ZFHX4: variants seen among roughly 807,000 people sequenced by gnomAD.
ZFHX4 encodes zinc finger homeobox protein 4.
In ZFHX4, 56 loss-of-function variants were observed where a neutral mutation model predicts 267.6. The ratio of observed to expected loss-of-function variants is 0.21; its 90% CI spans 0.17 to 0.26. ZFHX4 has a LOEUF of 0.26. Ranked by LOEUF, ZFHX4 falls within the 10% of genes least tolerant of loss-of-function variation. The probability of loss-of-function intolerance (pLI) is 1.00; values close to 1 mark genes in which losing one functional copy is unlikely to be tolerated. For missense variants in ZFHX4, 4,332 were observed against 4,420.0 expected (o/e 0.98, Z 0.56); for synonymous variants, 1,778 against 1,665.6 (o/e 1.07, Z -1.64).
chr8:76,834,992 T>A (rs574522873), intron 5 of ZFHX4, among the ~76,000 whole-genome samples: 1 of 151,428 alleles, frequency 6.6e-6, no homozygotes, highest in East Asian at 1.9e-4. Flanking sequence ...TCTTAAAGAA[T>A]AAGTTAAAAC....
chr8:76,728,312 G>A (rs553698643), intron 3 of ZFHX4, among the ~76,000 whole-genome samples: 3 of 152,108 alleles, frequency 2.0e-5, no homozygotes, highest in Non-Finnish European at 4.4e-5. Flanking sequence ...TATAAAGTAG[G>A]CCCTCGATAT....
chr8:76,692,001 T>A (rs1807838043), intron 1 of ZFHX4, among the ~76,000 whole-genome samples: 1 of 152,116 alleles, frequency 6.6e-6, no homozygotes, highest in Non-Finnish European at 1.5e-5. Flanking sequence ...ATCCTTCTTT[T>A]GATATTTTCT....
At chr8:76,732,078 G>A (rs1408272159) in intron 3 of ZFHX4, among the ~76,000 whole-genome samples, 2 of 151,970 alleles carry the variant, frequency 1.3e-5, no homozygotes, top group East Asian at 3.9e-4. Flanking sequence ...CTGACCTCAA[G>A]TGATCTGCCT....
chr8:76,768,354 A>G (rs1810144213), intron 3 of ZFHX4, among the ~76,000 whole-genome samples: 1 of 152,186 alleles, frequency 6.6e-6, no homozygotes, highest in Admixed American at 6.6e-5. Context: ...GAATGCCATT[A>G]ATGGTAATAA....
intron 3 of ZFHX4, among the ~76,000 whole-genome samples, chr8:76,752,431 C>G (rs1199133947): frequency 1.5e-5 from 2 of 131,354 alleles, no homozygotes; most frequent in Non-Finnish European, 3.1e-5. Context: ...CATTTGAGGT[C>G]AGGAGTTCAA....
At chr8:76,770,854 A>C (rs144533205) in intron 3 of ZFHX4, among the ~76,000 whole-genome samples, 246 of 152,280 alleles carry the variant, frequency 1.6e-3, no homozygotes, top group African/African-American at 5.6e-3. Context: ...CACTTGGAAG[A>C]TCTAAAATCA....
At chr8:76,828,246 T>C (rs1434063567) in intron 4 of ZFHX4, among the ~76,000 whole-genome samples, 2 of 152,252 alleles carry the variant, frequency 1.3e-5, no homozygotes, top group Non-Finnish European at 2.9e-5. Flanking sequence ...ATGATGAATT[T>C]GCTTTGAAGC....
chr8:76,846,503 T>C (rs1356651440), intron 6 of ZFHX4, among the ~76,000 whole-genome samples: 1 of 152,124 alleles, frequency 6.6e-6, no homozygotes, highest in East Asian at 1.9e-4. Flanking sequence ...CAACAGTTGT[T>C]GCAACGGCCA....
At chr8:76,721,108 T>C (rs1433965) in intron 3 of ZFHX4, among the ~76,000 whole-genome samples, 46,119 of 151,854 alleles carry the variant, frequency 0.3, 10,139 homozygotes, top group African/African-American at 0.62. Flanking sequence ...TCTCCTGAGG[T>C]AGGAAGAAAA....
chr8:76,697,758 A>G (rs1807996202), intron 1 of ZFHX4, among the ~76,000 whole-genome samples: 1 of 152,076 alleles, frequency 6.6e-6, no homozygotes, highest in Non-Finnish European at 1.5e-5. Context: ...GTATATTTAT[A>G]TGCATTTTAT....
intron 1 of ZFHX4, among the ~76,000 whole-genome samples, chr8:76,698,825 C>T (rs1027118284): frequency 3.3e-5 from 5 of 152,090 alleles, no homozygotes; most frequent in African/African-American, 1.2e-4. Context: ...ACTTAATTAC[C>T]TTCTCCCCTT....
At chr8:76,738,192 C>T (rs1487946528) in intron 3 of ZFHX4, among the ~76,000 whole-genome samples, 1 of 152,092 alleles carries the variant, frequency 6.6e-6, no homozygotes, top group African/African-American at 2.4e-5. Flanking sequence ...GTAAAAGCCA[C>T]ATTCTCAGGA....
At chr8:76,824,142 G>A (rs1368626321) in intron 4 of ZFHX4, among the ~76,000 whole-genome samples, 2 of 152,114 alleles carry the variant, frequency 1.3e-5, no homozygotes, top group Non-Finnish European at 2.9e-5. Context: ...TCCTTATTGA[G>A]CTTCTTATTT....
chr8:76,700,832 A>G (rs1808083062), intron 1 of ZFHX4, among the ~76,000 whole-genome samples: 1 of 152,154 alleles, frequency 6.6e-6, no homozygotes. Flanking sequence ...GTGATTTTAC[A>G]AACAGAATGT....
intron 4 of ZFHX4, among the ~76,000 whole-genome samples, chr8:76,825,647 C>A (rs1418004039): frequency 6.6e-6 from 1 of 152,214 alleles, no homozygotes; most frequent in East Asian, 1.9e-4. Context: ...GGGTTATGTT[C>A]TCTGATTCTT....
Position 76,681,531 on chromosome 8 carries a change from G to C in ZFHX4, c.-136G>C. The C allele has an allele frequency of 2.5e-6, 1 of 397,636 alleles. No homozygotes were observed. The highest frequency in any genetic ancestry group is 4.4e-6 in the Non-Finnish European group (1 of 225,808). 24.6% of individuals were successfully genotyped at this position (397,636 alleles called of 1,614,324 possible). On this transcript the variant is annotated 5_prime_UTR_variant, in exon 1 of 11. Transcript: ENST00000651372. ...TTTTGTTTTTTTAATGAACCCTCTC[G>C]TTTTACTTGGATGTGATCAGCTGTA...
intron 3 of ZFHX4, among the ~76,000 whole-genome samples, chr8:76,750,908 G>A (rs1809597117): frequency 6.6e-6 from 1 of 152,068 alleles, no homozygotes; most frequent in Non-Finnish European, 1.5e-5. Context: ...TCAAGAGAAC[G>A]AATTGATTAC....
intron 3 of ZFHX4, among the ~76,000 whole-genome samples, chr8:76,769,266 C>T (rs997056186): frequency 3.3e-5 from 5 of 152,126 alleles, no homozygotes; most frequent in African/African-American, 4.8e-5. Context: ...GTGACATCAT[C>T]TCAGTGTGCT....
In ZFHX4 at chr8:76,855,913, A is replaced by C; in HGVS notation, c.8992A>C (p.Asn2998His). 1 of 1,613,886 alleles carries C rather than the reference A, an allele frequency of 6.2e-7. No homozygotes were observed. The highest frequency in any genetic ancestry group is 8.5e-7 in the Non-Finnish European group (1 of 1,179,860). ...KINIGKPFMI[N>H]QGGTEGTKPE... is the part of the protein sequence containing the mutation. ...TAACATAGGGAAGCCTTTCATGATCAATCAAGGCGGAACGGAAGGCACCAA... is the reference window on the plus strand; with the variant it reads ...TAACATAGGGAAGCCTTTCATGATCCATCAAGGCGGAACGGAAGGCACCAA... Residue 2998 changes from asparagine (N) to histidine (H), a missense_variant, in exon 10 of 11, where the codon AAT becomes CAT. Asn to His is a moderately conservative substitution (Grantham distance 68). This residue lies in a region of ZFHX4 where 1,648 missense variants were observed against 1,625.0 expected (regional missense o/e 1.01). Transcript: ENST00000651372.
Sources: gnomAD v4.1 joint callset for allele counts (sites outside exome capture counted in the v4.1 genomes callset) on GRCh38, gnomAD v4.1.1 for gene constraint, gnomAD v4.1.1 regional missense constraint, MANE v1.5 for transcripts, NCBI Gene and HGNC (gene_info 2026-07-23, HGNC 2026-07-21) for gene names.